WDR64: variants seen among roughly 807,000 people sequenced by gnomAD.
WDR64 encodes WD repeat domain 64.
WDR64 carries 112 observed loss-of-function variants against 139.3 expected under a neutral mutation model. The ratio of observed to expected loss-of-function variants is 0.80; its 90% CI spans 0.69 to 0.94. The LOEUF is 0.94. WDR64 is among the 40% of genes least tolerant of loss of function. WDR64 has a pLI of 0.00. For synonymous variants in WDR64, 444 were observed against 437.7 expected, an observed-to-expected ratio of 1.01 and a Z score of -0.18; for missense variants, 1,206 against 1,293.1, an observed-to-expected ratio of 0.93 and a Z score of 1.03.
chr1:241,748,859 G>T (rs563818428), intron 13 of WDR64, among the ~76,000 whole-genome samples: 1 of 151,420 alleles, frequency 6.6e-6, no homozygotes, highest in African/African-American at 2.4e-5. Context: ...AGAATGGTGT[G>T]AACCCAGGAG....
At chr1:241,719,985 T>C (rs1197197993) in intron 9 of WDR64, among the ~76,000 whole-genome samples, 1 of 152,118 alleles carries the variant, frequency 6.6e-6, no homozygotes, top group Non-Finnish European at 1.5e-5. Context: ...ATGTGAGTTG[T>C]TCCCCACCGT....
intron 14 of WDR64, among the ~76,000 whole-genome samples, chr1:241,756,555 G>A (rs971442467): frequency 2.0e-5 from 3 of 151,916 alleles, no homozygotes; most frequent in African/African-American, 4.8e-5. Context: ...AAATTAAAGG[G>A]TCCCATTTCA....
At chr1:241,653,273 C>A (rs1398767250) in intron 1 of WDR64, among the ~76,000 whole-genome samples, 1 of 152,178 alleles carries the variant, frequency 6.6e-6, no homozygotes, top group Non-Finnish European at 1.5e-5. Context: ...ACTAACAGAA[C>A]AAACCCTGCT....
At position 241,674,980 on chromosome 1, in the gene WDR64, C is replaced by T. The variant is rs1382096813; in HGVS notation, c.483+233C>T. Among the ~76,000 whole-genome samples, 3 of 69,722 alleles carry T rather than the reference C, an allele frequency of 4.3e-5. 1 individual carries two copies. Among genetic ancestry groups the T allele is most frequent in the Non-Finnish European group, 9.2e-5 (3 of 32,512 alleles). 45.7% of individuals were successfully genotyped at this position (69,722 alleles called of 152,430 possible). A position where few individuals can be genotyped will look rare whatever the true frequency, so the allele number is the denominator to read the frequency against. On this transcript the variant is annotated intron_variant, in intron 4 of 27. Transcript: ENST00000437684. ...TCTCCTCCCTTCTTTTTCTTTCCTT[C>T]TTTCCTCCCTTTCTCCCTCCCTCTC...
chr1:241,741,886 A>C (rs1274078507), intron 12 of WDR64, among the ~76,000 whole-genome samples: 3 of 152,216 alleles, frequency 2.0e-5, no homozygotes, highest in African/African-American at 7.2e-5. Flanking sequence ...TTGAATAAAC[A>C]CAGCTAGTTT....
chr1:241,764,480 C>A (rs1276161242), intron 15 of WDR64, among the ~76,000 whole-genome samples: 2 of 151,600 alleles, frequency 1.3e-5, no homozygotes, highest in Non-Finnish European at 2.9e-5. Context: ...TAGGCCCCAT[C>A]TCTACAAAAA....
intron 10 of WDR64, among the ~76,000 whole-genome samples, chr1:241,724,687 T>C (rs2148203402): frequency 6.6e-6 from 1 of 152,338 alleles, no homozygotes; most frequent in East Asian, 1.9e-4. Context: ...TATAGGTGAA[T>C]AGTCTTATAA....
intron 1 of WDR64, among the ~76,000 whole-genome samples, chr1:241,653,751 G>A (rs1665463943): frequency 6.6e-6 from 1 of 151,890 alleles, no homozygotes; most frequent in Non-Finnish European, 1.5e-5. Flanking sequence ...CACCATGTTG[G>A]CCAGGCTGGT....
chr1:241,659,377 C>A (rs556530887), intron 1 of WDR64, among the ~76,000 whole-genome samples: 2 of 152,242 alleles, frequency 1.3e-5, no homozygotes, highest in East Asian at 3.9e-4. Context: ...CATATGCATG[C>A]ATGTATCTTT....
In WDR64 at chr1:241,775,167, G is replaced by T; in HGVS notation, c.2493G>T (p.Leu831=). Residue 831 remains leucine, a synonymous_variant, in exon 21 of 28, where the codon CTG becomes CTT. Transcript: ENST00000437684. ...ATTCTGCCATTTCTCTGACATCGCT[G>T]TATACTGATTCATGTACGAGGATAC... The part of the protein sequence containing the change: ...TKHSAISLTS[L]YTDSCTRILL... The T allele has an allele frequency of 6.4e-7, 1 of 1,551,008 alleles. No homozygotes were observed. The highest frequency in any genetic ancestry group is 8.7e-7 in the Non-Finnish European group (1 of 1,146,862).
intron 27 of WDR64, among the ~76,000 whole-genome samples, chr1:241,798,504 A>G (rs771989052): frequency 5.3e-4 from 80 of 152,252 alleles, no homozygotes; most frequent in Non-Finnish European, 1.0e-3. Context: ...ATGGAAAAAC[A>G]GTGGATCACA....
intron 12 of WDR64, among the ~76,000 whole-genome samples, chr1:241,743,670 T>C (rs2148249593): frequency 6.6e-6 from 1 of 152,312 alleles, no homozygotes; most frequent in East Asian, 1.9e-4. Context: ...AATTTACATC[T>C]GAACATGGCA....
At chr1:241,795,118 T>C (rs1659325644) in intron 25 of WDR64, 89 bp from the exon 26 acceptor site, 2 of 1,108,154 alleles carry the variant, frequency 1.8e-6, no homozygotes, top group Non-Finnish European at 2.7e-6. Context: ...ACACATCTAA[T>C]AAGTGACAGA....
At chr1:241,746,000 C>G (rs1428895747) in intron 13 of WDR64, among the ~76,000 whole-genome samples, 2 of 152,166 alleles carry the variant, frequency 1.3e-5, no homozygotes, top group East Asian at 3.9e-4. Context: ...ACGATAATGT[C>G]TTTTAATTGT....
intron 15 of WDR64, among the ~76,000 whole-genome samples, chr1:241,762,629 C>T (rs1657971732): frequency 6.6e-6 from 1 of 151,936 alleles, no homozygotes; most frequent in African/African-American, 2.4e-5. Flanking sequence ...GATAAGTGGT[C>T]AGACACTAAA....
chr1:241,697,999 A>ATAGTTG (rs1667563372), intron 8 of WDR64, among the ~76,000 whole-genome samples: 1 of 152,088 alleles, frequency 6.6e-6, no homozygotes, highest in Non-Finnish European at 1.5e-5. Context: ...TTTTCTTCTT[A>ATAGTTG]CATTCTATCC....
chr1:241,655,095 GTCT>G (rs1320141771), intron 1 of WDR64, among the ~76,000 whole-genome samples: 1 of 152,156 alleles, frequency 6.6e-6, no homozygotes, highest in Non-Finnish European at 1.5e-5. Flanking sequence ...TACTGTAATA[GTCT>G]TCTTGGCCAG....
At chr1:241,680,493 C>T (rs1666737532) in intron 6 of WDR64, among the ~76,000 whole-genome samples, 1 of 152,156 alleles carries the variant, frequency 6.6e-6, no homozygotes, top group Non-Finnish European at 1.5e-5. Context: ...ATTACCTCTT[C>T]TCCTCATGCT....
intron 1 of WDR64, among the ~76,000 whole-genome samples, chr1:241,654,881 G>A (rs919390617): frequency 6.6e-6 from 1 of 152,124 alleles, no homozygotes; most frequent in Non-Finnish European, 1.5e-5. Context: ...TGTATATTAA[G>A]TGTAAATAAA....
Sources: allele counts gnomAD v4.1 joint callset (sites outside exome capture counted in the v4.1 genomes callset), GRCh38; gene constraint gnomAD v4.1.1; transcripts MANE v1.5; gene names NCBI Gene and HGNC (gene_info 2026-07-23, HGNC 2026-07-21).